LRP1B: variants seen among roughly 807,000 people sequenced by gnomAD.
LRP1B encodes LDL receptor related protein 1B.
In LRP1B, 217 loss-of-function variants were observed where a neutral mutation model predicts 556.6. That is an observed-to-expected ratio of 0.39 (90% CI 0.35 to 0.44). The LOEUF (loss-of-function observed/expected upper bound fraction) is 0.44, where lower values mean the gene tolerates loss of function less well. LRP1B is among the 20% of genes least tolerant of loss of function. The probability of loss-of-function intolerance (pLI) is 1.00; values close to 1 mark genes in which losing one functional copy is unlikely to be tolerated. For missense variants in LRP1B, 5,053 were observed against 5,620.8 expected (o/e 0.90, Z 3.23); for synonymous variants, 2,047 against 1,865.8 (o/e 1.10, Z -2.50).
intron 3 of LRP1B, among the ~76,000 whole-genome samples, chr2:141,373,001 A>G (rs1162333837): frequency 6.6e-6 from 1 of 151,976 alleles, no homozygotes; most frequent in Non-Finnish European, 1.5e-5. Context: ...GTATGCATTT[A>G]TTGCTATAAA....
At chr2:141,146,122 G>A (rs954973301) in intron 7 of LRP1B, among the ~76,000 whole-genome samples, 13 of 150,742 alleles carry the variant, frequency 8.6e-5, no homozygotes, top group African/African-American at 3.2e-4. Context: ...ACAGGATTTT[G>A]CCATATTGGC....
At chr2:141,782,186 C>T (rs1198308431) in intron 2 of LRP1B, among the ~76,000 whole-genome samples, 3 of 152,042 alleles carry the variant, frequency 2.0e-5, no homozygotes, top group Non-Finnish European at 4.4e-5. Context: ...GATGTACTTG[C>T]CAGACATGAT....
intron 1 of LRP1B, among the ~76,000 whole-genome samples, chr2:141,884,218 A>T (rs910297501): frequency 2.4e-4 from 31 of 126,542 alleles, no homozygotes; most frequent in Non-Finnish European, 5.5e-5. Context: ...CTACAAAAAA[A>T]TAAAAATAAT....
At chr2:140,856,527 G>A (rs1471550083) in intron 27 of LRP1B, among the ~76,000 whole-genome samples, 1 of 152,096 alleles carries the variant, frequency 6.6e-6, no homozygotes, top group Non-Finnish European at 1.5e-5. Flanking sequence ...GTAGATATTT[G>A]GACTTTTGCA....
At chr2:140,989,785 T>A (rs1697035504) in intron 16 of LRP1B, 128 bp from the exon 17 acceptor site, 11 of 799,464 alleles carry the variant, frequency 1.4e-5, no homozygotes, top group Non-Finnish European at 2.1e-5. Context: ...AGTCTGTCAT[T>A]CATTGCCTTA....
At chr2:141,610,572 A>G (rs1392115557) in intron 2 of LRP1B, among the ~76,000 whole-genome samples, 2 of 151,998 alleles carry the variant, frequency 1.3e-5, no homozygotes, top group Non-Finnish European at 2.9e-5. Context: ...TGCCCTTTCT[A>G]CCATAAGGTA....
chr2:140,622,302 T>C (rs972300191), intron 41 of LRP1B, among the ~76,000 whole-genome samples: 2 of 152,198 alleles, frequency 1.3e-5, no homozygotes, highest in African/African-American at 4.8e-5. Context: ...CATGAAAATA[T>C]GCATAAACAA....
At chr2:141,208,422 T>A (rs575923147) in intron 6 of LRP1B, 1 of 152,366 alleles carries the variant, frequency 6.6e-6, no homozygotes, top group Non-Finnish European at 1.5e-5. Context: ...CTGCATGGAC[T>A]GCAGCAGGCT....
rs2105170986 is a variant in LRP1B, at chr2:140,372,990, T to C, written c.10768+18A>G. 2 of 1,611,778 alleles carry C rather than the reference T, an allele frequency of 1.2e-6. No individual in the cohort carries two copies. The highest frequency in any genetic ancestry group is 1.7e-6 in the Non-Finnish European group (2 of 1,178,876). ...GGTAAAATGTTAACTAAATGATATATTACTTCAATCCTTTTACCTGGCTCA... is the reference window on the plus strand; with the variant it reads ...GGTAAAATGTTAACTAAATGATATACTACTTCAATCCTTTTACCTGGCTCA... On this transcript the variant is annotated intron_variant, in intron 69 of 90. Coordinates refer to ENST00000389484, the MANE Select transcript of LRP1B (RefSeq NM_018557.3).
At position 141,519,403 on chromosome 2, in the gene LRP1B, G is replaced by A. The variant is rs1350592296; in HGVS notation, c.206-38870C>T. 4.4e-3 allele frequency among the ~76,000 whole-genome samples: 47 copies of A among 10,700 alleles called. 1 individual carries two copies. Among genetic ancestry groups the A allele is most frequent in the African/African-American group, 0.016 (36 of 2,242 alleles). 7.0% of individuals were successfully genotyped at this position (10,700 alleles called of 152,430 possible). On this transcript the variant is annotated intron_variant, in intron 2 of 90. Coordinates refer to ENST00000389484, the MANE Select transcript of LRP1B (RefSeq NM_018557.3). ...TATATATATATATATATATATATAT[G>A]AAATGCAATATTTATTGAATTTAGT... is the stretch of plus-strand genomic sequence containing the variant.
chr2:141,735,924 G>A (rs1416605880), intron 2 of LRP1B, among the ~76,000 whole-genome samples: 1 of 152,094 alleles, frequency 6.6e-6, no homozygotes, highest in Non-Finnish European at 1.5e-5. Flanking sequence ...GAGAAACTCT[G>A]TTTGTTCTTT....
At chr2:141,710,028 T>G (rs1430970343) in intron 2 of LRP1B, among the ~76,000 whole-genome samples, 12 of 152,036 alleles carry the variant, frequency 7.9e-5, no homozygotes. Context: ...TTAATCCCAT[T>G]ATAAGGGCTC....
chr2:142,023,892 C>T (rs1035585099), intron 1 of LRP1B, among the ~76,000 whole-genome samples: 1 of 152,138 alleles, frequency 6.6e-6, no homozygotes, highest in Non-Finnish European at 1.5e-5. Context: ...CCACTTTTCC[C>T]TCTAGTTTTG....
intron 1 of LRP1B, among the ~76,000 whole-genome samples, chr2:141,888,241 T>C (rs1024034387): frequency 1.3e-5 from 2 of 152,200 alleles, no homozygotes; most frequent in African/African-American, 4.8e-5. Flanking sequence ...AAAAGAGTAT[T>C]GTATTGCTAT....
intron 77 of LRP1B, among the ~76,000 whole-genome samples, chr2:140,348,520 A>G (rs1204766715): frequency 5.3e-5 from 8 of 151,958 alleles, no homozygotes; most frequent in Non-Finnish European, 1.2e-4. Flanking sequence ...TGTGAGTGCT[A>G]TTTTTCTTCT....
intron 1 of LRP1B, among the ~76,000 whole-genome samples, chr2:141,898,185 C>G (rs1465603175): frequency 6.6e-6 from 1 of 152,126 alleles, no homozygotes; most frequent in African/African-American, 2.4e-5. Context: ...CTGGTTCAAA[C>G]AAAACCTTGA....
intron 47 of LRP1B, among the ~76,000 whole-genome samples, chr2:140,532,405 G>T (rs935856449): frequency 9.3e-5 from 14 of 151,340 alleles, no homozygotes; most frequent in South Asian, 2.1e-4. Flanking sequence ...TGGTTTTTTT[G>T]GGGGGTGGGG....
At chr2:142,100,019 T>C (rs764240616) in intron 1 of LRP1B, among the ~76,000 whole-genome samples, 150 of 152,048 alleles carry the variant, frequency 9.9e-4, no homozygotes, top group Non-Finnish European at 1.8e-3. Context: ...TCAAAGAAAT[T>C]GTTGATTCTA....
intron 20 of LRP1B, among the ~76,000 whole-genome samples, chr2:140,945,461 C>A (rs1251340556): frequency 6.6e-6 from 1 of 152,106 alleles, no homozygotes; most frequent in Non-Finnish European, 1.5e-5. Context: ...TCAAACTATA[C>A]TACAAGGCTA....
Sources: allele counts gnomAD v4.1 joint callset (sites outside exome capture counted in the v4.1 genomes callset), GRCh38; gene constraint gnomAD v4.1.1; transcripts MANE v1.5; gene names NCBI Gene and HGNC (gene_info 2026-07-23, HGNC 2026-07-21).